Variants in ABCA1 observed in about 807,000 individuals in gnomAD.
The protein encoded by ABCA1 is ATP binding cassette subfamily A member 1.
ABCA1 carries 133 observed loss-of-function variants against 262.5 expected under a neutral mutation model. The ratio of observed to expected loss-of-function variants is 0.51; its 90% CI spans 0.44 to 0.59. ABCA1 has a LOEUF of 0.59. Ranked by LOEUF, ABCA1 falls within the 20% of genes least tolerant of loss-of-function variation. ABCA1 has a pLI of 0.00. For missense variants in ABCA1, 2,452 were observed against 2,777.5 expected (o/e 0.88, Z 2.63); for synonymous variants, 1,022 against 1,043.5 (o/e 0.98, Z 0.40).
chr9:104,812,824 G>T, intron 27 of ABCA1, 102 bp from the exon 28 acceptor site: 3 of 1,460,700 alleles, frequency 2.1e-6, no homozygotes, highest in African/African-American at 1.4e-5. Context: ...GAAGGCATGT[G>T]TCTGAAGCTA....
chr9:104,862,283 T>A (rs1457171239), intron 5 of ABCA1, among the ~76,000 whole-genome samples: 1 of 151,768 alleles, frequency 6.6e-6, no homozygotes, highest in Non-Finnish European at 1.5e-5. Flanking sequence ...TTTTTTTTTT[T>A]ATCTTTAGTA....
intron 7 of ABCA1, chr9:104,855,995 T>C (rs757359796): frequency 2.5e-6 from 4 of 1,612,900 alleles, no homozygotes; most frequent in Admixed American, 3.3e-5. Context: ...TCTCTCCCCA[T>C]CATGTTGGGC....
At position 104,785,646 on chromosome 9, in the gene ABCA1, G is replaced by A; in HGVS notation, c.6402-7C>T. On this transcript the variant is annotated splice_region_variant and splice_polypyrimidine_tract_variant and intron_variant, in intron 48 of 49. Coordinates refer to ENST00000374736, the MANE Select transcript of ABCA1 (RefSeq NM_005502.4). ...TGTATAACCATCTCCAAACCTGAAA[G>A]CAGGAAAAAATACCCAAATGGAGGA... 2 of 1,613,798 alleles carry A rather than the reference G, an allele frequency of 1.2e-6. No individual in the cohort carries two copies. Among genetic ancestry groups the A allele is most frequent in the Admixed American group, 1.7e-5 (1 of 60,008 alleles).
At position 104,810,941 on chromosome 9, in the gene ABCA1, G is replaced by A. The variant is rs761818105; in HGVS notation, c.4051-17C>T. 2.5e-6 allele frequency: 4 copies of A among 1,614,084 alleles called. No individual in the cohort carries two copies. The highest frequency in any genetic ancestry group is 1.3e-5 in the African/African-American group (1 of 75,052). On this transcript the variant is annotated splice_polypyrimidine_tract_variant and intron_variant, in intron 28 of 49. Transcript: ENST00000374736. ...CAAGACAATCTTTACCCAGGCAGTG[G>A]AGGGGGCAGGGGGACAGCAGGAAAC...
At chr9:104,803,159 C>T in intron 33 of ABCA1, 125 bp downstream of exon 33, 2 of 1,098,284 alleles carry the variant, frequency 1.8e-6, no homozygotes, top group East Asian at 2.4e-5. Context: ...TTCTGTCCTC[C>T]TCACAGTGAG....
Position 104,802,197 on chromosome 9 carries a change from G to A in ABCA1, c.4593-38C>T, listed in dbSNP as rs200628239. ...CCTGACATTAAAACCCAGACAGTGG[G>A]GTGCACAGTATCATCAGCAGCAGAC... On this transcript the variant is annotated intron_variant, in intron 33 of 49. Coordinates refer to ENST00000374736, the MANE Select transcript of ABCA1 (RefSeq NM_005502.4). 190 of 1,553,832 alleles carry A rather than the reference G, an allele frequency of 1.2e-4. No homozygotes were observed. In the African/African-American group the frequency reaches 2.3e-3, roughly 18 times the overall value.
intron 15 of ABCA1, 42 bp from the exon 16 acceptor site, chr9:104,827,211 C>T (rs1158044770): frequency 1.3e-6 from 2 of 1,514,304 alleles, no homozygotes; most frequent in Non-Finnish European, 1.8e-6. Flanking sequence ...CCTCAACAAT[C>T]CCAAGCACTC....
chr9:104,830,557 G>C (rs897460872), intron 14 of ABCA1, among the ~76,000 whole-genome samples: 5 of 152,076 alleles, frequency 3.3e-5, no homozygotes, highest in African/African-American at 1.2e-4. Flanking sequence ...GGGCGTGGCA[G>C]CATGAGCCTG....
intron 1 of ABCA1, among the ~76,000 whole-genome samples, chr9:104,926,398 C>G (rs182310679): frequency 1.5e-3 from 232 of 151,852 alleles, no homozygotes; most frequent in African/African-American, 5.4e-3. Flanking sequence ...GTCCGCCGCC[C>G]CAAGAACCTT....
At chr9:104,830,086 CT>C (rs1429259008) in intron 14 of ABCA1, among the ~76,000 whole-genome samples, 1 of 152,122 alleles carries the variant, frequency 6.6e-6, no homozygotes, top group Admixed American at 6.6e-5. Context: ...CGCCCATTGT[CT>C]TAGAAGAAAT....
chr9:104,915,465 G>A (rs1481967346), intron 1 of ABCA1, among the ~76,000 whole-genome samples: 1 of 152,148 alleles, frequency 6.6e-6, no homozygotes, highest in Non-Finnish European at 1.5e-5. Context: ...AGGGGAATAA[G>A]ATCACAAGTT....
At chr9:104,822,978 C>T (rs1372671987) in intron 18 of ABCA1, among the ~76,000 whole-genome samples, 1 of 151,894 alleles carries the variant, frequency 6.6e-6, no homozygotes, top group Non-Finnish European at 1.5e-5. Flanking sequence ...GTGATACACC[C>T]CTCCCAGGGA....
Position 104,887,790 on chromosome 9 carries a change from A to G in ABCA1, c.160+1312T>C, listed in dbSNP as rs1013786149. 4.2e-5 allele frequency among the ~76,000 whole-genome samples: 6 copies of G among 141,688 alleles called. No homozygotes were observed. In the East Asian group the frequency reaches 1.2e-3, roughly 29 times the overall value. 93.0% of individuals were successfully genotyped at this position (141,688 alleles called of 152,430 possible). A position where few individuals can be genotyped will look rare whatever the true frequency, so the allele number is the denominator to read the frequency against. ...TGCCCAGGCTGGAGTGCAATGGCGC[A>G]ATCTCGGCTCACTGCAACCTCAGCC... is the stretch of plus-strand genomic sequence containing the variant. On this transcript the variant is annotated intron_variant, in intron 3 of 49. Transcript: ENST00000374736.
At chr9:104,858,281 C>A (rs184006872) in intron 7 of ABCA1, among the ~76,000 whole-genome samples, 1 of 151,906 alleles carries the variant, frequency 6.6e-6, no homozygotes, top group Admixed American at 6.6e-5. Flanking sequence ...GAAACAAGCA[C>A]AAAAAACTTT....
chr9:104,838,453 C>CAA (rs36050540), intron 9 of ABCA1, among the ~76,000 whole-genome samples: 4,827 of 137,258 alleles, frequency 0.035, 306 homozygotes, highest in African/African-American at 0.12. Context: ...ACTCAAAATA[C>CAA]AAAAAAAAAA....
chr9:104,845,509 A>G lies in ABCA1; in HGVS notation c.781T>C (p.Leu261=), dbSNP rs1409846660. Residue 261 remains leucine (L), a synonymous_variant, in exon 8 of 50, where the codon TTG becomes CTG. Coordinates refer to ENST00000374736, the MANE Select transcript of ABCA1 (RefSeq NM_005502.4). ...SKELAEATKT[L]LHSLGTLAQE... ...GCCAGAGTCCCAAGACTATGCAGCA[A>G]TGTTTTTGTGGCTTCAGCCAGCTCC... 1 of 1,614,128 alleles carries G rather than the reference A, an allele frequency of 6.2e-7. No individual in the cohort carries two copies. The highest frequency in any genetic ancestry group is 1.1e-5 in the South Asian group (1 of 91,072).
intron 12 of ABCA1, among the ~76,000 whole-genome samples, chr9:104,832,074 G>A (rs988886225): frequency 6.6e-6 from 1 of 152,142 alleles, no homozygotes; most frequent in Non-Finnish European, 1.5e-5. Context: ...AGGAAAAGAG[G>A]TTAAAACAAT....
intron 2 of ABCA1, 112 bp from the exon 3 acceptor site, chr9:104,889,307 T>C: frequency 3.3e-6 from 5 of 1,534,360 alleles, no homozygotes; most frequent in Non-Finnish European, 4.4e-6. Context: ...AATCAACTTC[T>C]CCAGTCTCTC....
intron 10 of ABCA1, 54 bp downstream of exon 10, chr9:104,837,374 C>A (rs1045913210): frequency 6.2e-7 from 1 of 1,608,604 alleles, no homozygotes; most frequent in Non-Finnish European, 8.5e-7. Context: ...GAGTTTTTTG[C>A]CCCCAGTTCT....
Sources: allele counts gnomAD v4.1 joint callset (sites outside exome capture counted in the v4.1 genomes callset), GRCh38; gene constraint gnomAD v4.1.1; transcripts MANE v1.5; gene names NCBI Gene and HGNC (gene_info 2026-07-23, HGNC 2026-07-21).